The following BTLA variants were observed in gnomAD, a reference collection of about 807,000 sequenced individuals.
The protein encoded by BTLA is B and T lymphocyte associated, also known as B- and T-lymphocyte attenuator.
Under a neutral mutation model 25.0 loss-of-function variants are expected in BTLA, and 11 were observed. The ratio of observed to expected loss-of-function variants is 0.44; its 90% CI spans 0.28 to 0.73. BTLA has a LOEUF of 0.73. BTLA is among the 30% of genes least tolerant of loss of function. BTLA has a pLI of 0.15. For missense variants in BTLA, 282 were observed against 332.8 expected, an observed-to-expected ratio of 0.85 and a Z score of 1.19; for synonymous variants, 104 against 119.8, an observed-to-expected ratio of 0.87 and a Z score of 0.86.
chr3:112,499,487 AAG>A (rs869090578), upstream of BTLA: 2 of 646,328 alleles, frequency 3.1e-6, no homozygotes, highest in Non-Finnish European at 5.1e-6. Flanking sequence ...AAAAAAAAAA[AAG>A]AAGAGAGAGG....
Position 112,493,668 on chromosome 3 carries a change from A to G in BTLA, c.88+5603T>C, listed in dbSNP as rs367613212. 2.6e-5 allele frequency among the ~76,000 whole-genome samples: 4 copies of G among 152,278 alleles called. 1 individual carries two copies. In the East Asian group the frequency reaches 7.8e-4, roughly 30 times the overall value. On this transcript the variant is annotated intron_variant, in intron 1 of 4. Coordinates refer to ENST00000334529, the MANE Select transcript of BTLA (RefSeq NM_181780.4). Reference sequence around the variant, plus strand: ...AGGCGTGTCCCACCACGCCCAGCTAATTTTTGTATTTTTAGTACAGACAGG... The same window carrying G: ...AGGCGTGTCCCACCACGCCCAGCTAGTTTTTGTATTTTTAGTACAGACAGG...
chr3:112,468,842 T>C (rs1280260270), intron 4 of BTLA, among the ~76,000 whole-genome samples: 4 of 152,100 alleles, frequency 2.6e-5, no homozygotes, highest in Non-Finnish European at 4.4e-5. Flanking sequence ...TCAAGTTGAG[T>C]GTATTTGGTC....
intron 1 of BTLA, among the ~76,000 whole-genome samples, chr3:112,485,957 A>G (rs1279276517): frequency 6.6e-6 from 1 of 152,162 alleles, no homozygotes; most frequent in Non-Finnish European, 1.5e-5. Flanking sequence ...CTAAAAATAC[A>G]AAACAAAAAA....
chr3:112,483,953 G>A (rs1187164300), intron 1 of BTLA, among the ~76,000 whole-genome samples: 1 of 147,608 alleles, frequency 6.8e-6, no homozygotes, highest in African/African-American at 2.6e-5. Flanking sequence ...GGGCAACACA[G>A]TAAGACTCTG....
At chr3:112,491,262 C>A (rs1441296541) in intron 1 of BTLA, among the ~76,000 whole-genome samples, 5 of 152,184 alleles carry the variant, frequency 3.3e-5, no homozygotes, top group Non-Finnish European at 5.9e-5. Context: ...GCTACACATT[C>A]TTTGCCACTT....
At chr3:112,466,938 C>A (rs1307537051) in intron 4 of BTLA, among the ~76,000 whole-genome samples, 1 of 144,702 alleles carries the variant, frequency 6.9e-6, no homozygotes, top group South Asian at 2.3e-4. Context: ...AGTTGTTATT[C>A]CTATCAAAAG....
Position 112,466,024 on chromosome 3 carries a change from ATAT to A in BTLA, c.*81_*83del. The A allele has an allele frequency of 1.5e-6, 2 of 1,377,624 alleles. No individual in the cohort carries two copies. Among genetic ancestry groups the A allele is most frequent in the Non-Finnish European group, 2.0e-6 (2 of 1,024,854 alleles). The allele number at this position is 1,377,624 out of a possible 1,614,324, so 85.3% of individuals were successfully genotyped here. Reference sequence around the variant, plus strand: ...AAAGTAAAAATTCTCAAATTGAGAAATATTATTTGACATCCTGTTGAGCCCAGA... The same window carrying A: ...AAAGTAAAAATTCTCAAATTGAGAAATATTTGACATCCTGTTGAGCCCAGA... On this transcript the variant is annotated 3_prime_UTR_variant, in exon 5 of 5. Transcript: ENST00000334529.
intron 2 of BTLA, among the ~76,000 whole-genome samples, chr3:112,474,701 C>T (rs2082279941): frequency 6.6e-6 from 1 of 152,106 alleles, no homozygotes; most frequent in African/African-American, 2.4e-5. Context: ...TCCTTAAGAA[C>T]TTGGAAAATT....
intron 1 of BTLA, among the ~76,000 whole-genome samples, chr3:112,487,771 G>T (rs2082356425): frequency 6.6e-6 from 1 of 152,062 alleles, no homozygotes; most frequent in Non-Finnish European, 1.5e-5. Flanking sequence ...TTAGATTTTT[G>T]TTGTATTATT....
chr3:112,471,773 T>G (rs1375161756), intron 2 of BTLA, among the ~76,000 whole-genome samples: 9 of 152,232 alleles, frequency 5.9e-5, no homozygotes, highest in Non-Finnish European at 1.5e-5. Flanking sequence ...CAAGCCAACA[T>G]GTTTGTAACA....
intron 2 of BTLA, among the ~76,000 whole-genome samples, chr3:112,472,567 AC>A (rs2082268576): frequency 6.6e-6 from 1 of 151,962 alleles, no homozygotes; most frequent in South Asian, 2.1e-4. Flanking sequence ...CGTGGTATGC[AC>A]CTGTAATCCC....
intron 1 of BTLA, among the ~76,000 whole-genome samples, chr3:112,489,242 G>GATC (rs1267032441): frequency 6.6e-6 from 1 of 152,218 alleles, no homozygotes; most frequent in Non-Finnish European, 1.5e-5. Flanking sequence ...CAGATCAGCT[G>GATC]ATCAGAAAGG....
In BTLA at chr3:112,499,395, T is replaced by C; in HGVS notation, c.-37A>G. The stretch of plus-strand genomic sequence containing the variant: ...ATCAGTGATGGAAAAACTGCTCAAG[T>C]AGAAGGCTTTGCTTCGTCTTCTGAG... On this transcript the variant is annotated 5_prime_UTR_variant, in exon 1 of 5. Transcript: ENST00000334529. The C allele has an allele frequency of 6.3e-7, 1 of 1,591,632 alleles. No homozygotes were observed. The highest frequency in any genetic ancestry group is 1.7e-5 in the Admixed American group (1 of 59,476).
chr3:112,493,659 G>A (rs768402373), intron 1 of BTLA, among the ~76,000 whole-genome samples: 1 of 152,070 alleles, frequency 6.6e-6, no homozygotes, highest in Non-Finnish European at 1.5e-5. Flanking sequence ...GTCCCACCAC[G>A]CCCAGCTAAT....
chr3:112,494,859 G>C (rs2082400640), intron 1 of BTLA, among the ~76,000 whole-genome samples: 1 of 152,052 alleles, frequency 6.6e-6, no homozygotes, highest in Non-Finnish European at 1.5e-5. Context: ...TTCTGCACAT[G>C]TATCCTGTTT....
At chr3:112,467,528 T>C (rs562361295) in intron 4 of BTLA, among the ~76,000 whole-genome samples, 3 of 152,370 alleles carry the variant, frequency 2.0e-5, no homozygotes, top group South Asian at 2.1e-4. Context: ...TCCACTGTCT[T>C]TGAAAGTCAA....
chr3:112,497,212 A>G (rs1008020077), intron 1 of BTLA, among the ~76,000 whole-genome samples: 1 of 152,222 alleles, frequency 6.6e-6, no homozygotes, highest in Non-Finnish European at 1.5e-5. Context: ...GAAAAATACC[A>G]CTAACATTTA....
chr3:112,488,448 T>G (rs1363803695), intron 1 of BTLA, among the ~76,000 whole-genome samples: 1 of 152,190 alleles, frequency 6.6e-6, no homozygotes, highest in African/African-American at 2.4e-5. Flanking sequence ...GGTCTCGATC[T>G]CCTGACCTCG....
chr3:112,469,631 A>AGTACATAGAATATGTAGATAC (rs11267594), intron 4 of BTLA, 127 bp downstream of exon 4: 1 of 159,646 alleles, frequency 6.3e-6, no homozygotes, highest in African/African-American at 2.8e-5. Flanking sequence ...ATATATATAT[A>AGTACATAGAATATGTAGATAC]TATATATATA....
Sources: allele counts gnomAD v4.1 joint callset (sites outside exome capture counted in the v4.1 genomes callset), GRCh38; gene constraint gnomAD v4.1.1; transcripts MANE v1.5; gene names NCBI Gene and HGNC (gene_info 2026-07-23, HGNC 2026-07-21).